Variants in CHADL observed in about 807,000 individuals in gnomAD.
CHADL encodes the protein chondroadherin like, also known as chondroadherin-like protein.
In CHADL, 48 loss-of-function variants were observed where a neutral mutation model predicts 52.1. The ratio of observed to expected loss-of-function variants is 0.92; its 90% confidence interval spans 0.73 to 1.17. The LOEUF (loss-of-function observed/expected upper bound fraction) is 1.17. CHADL is among the 50% of genes most tolerant of loss of function. The pLI, the probability that CHADL is intolerant of heterozygous loss-of-function variation, is 0.00. For synonymous variants in CHADL, 498 were observed against 511.2 expected (o/e 0.97, Z 0.35); for missense variants, 977 against 1,035.1 (o/e 0.94, Z 0.77).
rs1449705712 is a variant in CHADL at position 41,237,252 on chromosome 22, GC to G, written c.1819del (p.Ala607ProfsTer19). 6.4e-7 allele frequency: 1 copy of G among 1,550,586 alleles called. No homozygotes were observed. The highest frequency in any genetic ancestry group is 8.7e-7 in the Non-Finnish European group (1 of 1,146,962). ...ELQLSGNPLR[A>X]LRDGAFQPVG... ...AGGCTGGAAGGCTCCGTCACGCAAG[GC>G]CCTGAGTGGGTTGCCCGAGAGCTGC... On this transcript the variant is annotated frameshift_variant, in exon 3 of 6. Coordinates refer to ENST00000216241, the MANE Select transcript of CHADL (RefSeq NM_138481.2). LOFTEE classifies it high-confidence loss of function.
At chr22:41,232,449 T>C (rs2032637804) in intron 5 of CHADL, among the ~76,000 whole-genome samples, 1 of 151,938 alleles carries the variant, frequency 6.6e-6, no homozygotes, top group Non-Finnish European at 1.5e-5. Flanking sequence ...ATCTTCTGGG[T>C]GCCAGACACC....
chr22:41,235,169 T>C lies in CHADL; in HGVS notation c.2238A>G (p.Lys746=). Residue 746 remains lysine, a synonymous_variant, in exon 5 of 6, where the codon AAA becomes AAG. Transcript: ENST00000216241. Reference sequence around the variant, plus strand: ...CCTTATCTGCTCCACACTGTCTTCCTTTGATGGGGGTTCTCCTGGCACTGG... The same window carrying C: ...CCTTATCTGCTCCACACTGTCTTCCCTTGATGGGGGTTCTCCTGGCACTGG... ...SRPSARRTPI[K]GRQCGADKVG... is the part of the protein sequence containing the mutation. The C allele has an allele frequency of 6.4e-7, 1 of 1,551,446 alleles. No homozygotes were observed. The highest frequency in any genetic ancestry group is 8.7e-7 in the Non-Finnish European group (1 of 1,147,000).
In CHADL at chr22:41,237,692, G is replaced by A; in HGVS notation, c.1380C>T (p.Gly460=). ...GGGCGCCCGCTTCCAGCTCCGCGAT[G>A]CCGCAGTGCTGCAGGTGCAGCGACA... ...HLVSLHLQHC[G]IAELEAGALA... The change falls in exon 3 of 6, where the codon GGC becomes GGT. Residue 460 remains glycine, a synonymous_variant. Coordinates refer to ENST00000216241, the MANE Select transcript of CHADL (RefSeq NM_138481.2). 2 of 1,542,644 alleles carry A rather than the reference G, an allele frequency of 1.3e-6. No individual in the cohort carries two copies. The highest frequency in any genetic ancestry group is 1.8e-6 in the Non-Finnish European group (2 of 1,142,480).
chr22:41,240,869 C>T lies in CHADL; in HGVS notation c.8+5G>A, dbSNP rs138323553. 4 of 1,550,840 alleles carry T rather than the reference C, an allele frequency of 2.6e-6. No individual in the cohort carries two copies. Among genetic ancestry groups the T allele is most frequent in the African/African-American group, 1.4e-5 (1 of 73,180 alleles). The stretch of plus-strand genomic sequence containing the variant: ...CCCCTTGCACCATCGGGCCCAAAGA[C>T]TCACCCCTCCATGCCGCCTGGAACT... On this transcript the variant is annotated splice_donor_5th_base_variant and intron_variant, in intron 1 of 5. Coordinates refer to ENST00000216241, the MANE Select transcript of CHADL (RefSeq NM_138481.2).
chr22:41,238,561 C>G lies in CHADL; in HGVS notation c.511G>C (p.Val171Leu). ...TGGAAGGCCATGGCGGGCAGGTAAA[C>G]CAGGGCGTTGTGGGCCAGGTTTAGC... Reference protein sequence around the residue: ...ATLNLAHNALVYLPAMAFQGL... With the variant: ...ATLNLAHNALLYLPAMAFQGL... The change falls in exon 3 of 6, where the codon GTT becomes CTT. Residue 171 changes from valine (V) to leucine (L), a missense_variant. Coordinates refer to ENST00000216241, the MANE Select transcript of CHADL (RefSeq NM_138481.2). This position sits in a 1 kb window ranked among gnomAD's most constrained non-coding sequence, Gnocchi z 4.9. 1 of 1,546,454 alleles carries G rather than the reference C, an allele frequency of 6.5e-7. No homozygotes were observed.
intron 1 of CHADL, 114 bp downstream of exon 1, chr22:41,240,760 G>T: frequency 1.6e-6 from 2 of 1,289,392 alleles, no homozygotes; most frequent in Non-Finnish European, 2.2e-6. Context: ...ACCCCAGGAA[G>T]TCCCCAGAGC....
In CHADL at chr22:41,240,868, ACT is replaced by A. The variant is rs2032850683; in HGVS notation, c.8+4_8+5del. The A allele has an allele frequency of 1.3e-6, 2 of 1,550,136 alleles. No homozygotes were observed. The highest frequency in any genetic ancestry group is 1.7e-6 in the Non-Finnish European group (2 of 1,146,648). On this transcript the variant is annotated splice_donor_5th_base_variant and intron_variant, in intron 1 of 5. Coordinates refer to ENST00000216241, the MANE Select transcript of CHADL (RefSeq NM_138481.2). ...CCCCCTTGCACCATCGGGCCCAAAG[ACT>A]CACCCCTCCATGCCGCCTGGAACTG...
At chr22:41,230,957 C>T (rs757432484) in intron 5 of CHADL, 1 of 152,190 alleles carries the variant, frequency 6.6e-6, no homozygotes, top group Non-Finnish European at 1.5e-5. Flanking sequence ...CCGGGGAGGA[C>T]ATTGGGAGGA....
Position 41,235,538 on chromosome 22 carries a change from G to A in CHADL, c.2064-195C>T, listed in dbSNP as rs543026908. On this transcript the variant is annotated intron_variant, in intron 4 of 5. Coordinates refer to ENST00000216241, the MANE Select transcript of CHADL (RefSeq NM_138481.2). Reference sequence around the variant, plus strand: ...AGGAGGCCACCAGGAATTTGGGAGCGGTGGAGCCTATAGGTGACAGCAGGC... The same window carrying A: ...AGGAGGCCACCAGGAATTTGGGAGCAGTGGAGCCTATAGGTGACAGCAGGC... 1.3e-4 allele frequency among the ~76,000 whole-genome samples: 20 copies of A among 152,188 alleles called. No homozygotes were observed. The South Asian group carries it at 1.5e-3, about 11-fold the overall frequency.
rs2145637458 is a variant in CHADL, at chr22:41,238,100, C to G, written c.972G>C (p.Trp324Cys). ...CCGAGCGCACGCGCGCCCGCGCCAG[C>G]CACTCGAGTAGGGGCCGCGCCTGGC... ...CGCQARPLLE[W>C]LARARVRSDG... is the part of the protein sequence containing the mutation. The change falls in exon 3 of 6, where the codon TGG becomes TGC. Residue 324 changes from tryptophan to cysteine, a missense_variant. Trp to Cys is a radical substitution (Grantham distance 215). Coordinates refer to ENST00000216241, the MANE Select transcript of CHADL (RefSeq NM_138481.2). The surrounding 1 kb of genome is among the most constrained non-coding windows in gnomAD (Gnocchi z 4.9). 2.3e-6 allele frequency: 3 copies of G among 1,298,016 alleles called. No individual in the cohort carries two copies. Among genetic ancestry groups the G allele is most frequent in the Non-Finnish European group, 2.9e-6 (3 of 1,032,424 alleles). The allele number at this position is 1,298,016 out of a possible 1,614,324, so 80.4% of individuals were successfully genotyped here. A position where few individuals can be genotyped will look rare whatever the true frequency, so the allele number is the denominator to read the frequency against.
rs1462597420 is a variant in CHADL, at chr22:41,229,743, G to A, written c.2263-13C>T. The A allele has an allele frequency of 6.2e-7, 1 of 1,607,658 alleles. No homozygotes were observed. Among genetic ancestry groups the A allele is most frequent in the South Asian group, 1.1e-5 (1 of 90,406 alleles). On this transcript the variant is annotated splice_polypyrimidine_tract_variant and intron_variant, in intron 5 of 5. Transcript: ENST00000216241. The stretch of plus-strand genomic sequence containing the variant: ...TCTCCTTCCCCACCTGGGCACAGAA[G>A]AGTAGAGTCAGGTTTCTTTGGCATT...
intron 4 of CHADL, 130 bp from the exon 5 acceptor site, chr22:41,235,473 T>C: frequency 2.9e-6 from 2 of 700,388 alleles, no homozygotes; most frequent in Non-Finnish European, 4.8e-6. Flanking sequence ...CATGCATTCA[T>C]TCGCTCAACA....
At position 41,240,755 on chromosome 22, in the gene CHADL, AG is replaced by A. The variant is rs1463379035; in HGVS notation, c.8+118del. The A allele has an allele frequency of 1.6e-5, 20 of 1,233,976 alleles. 1 individual carries two copies. Among genetic ancestry groups the A allele is most frequent in the South Asian group, 1.3e-4 (10 of 74,940 alleles). The allele number at this position is 1,233,976 out of a possible 1,614,324, so 76.4% of individuals were successfully genotyped here. ...GGAGACCCCCTTCCTGGAGAACCCCAGGAAGTCCCCAGAGCCCCTGCCCGCC... is the reference window on the plus strand; with the variant it reads ...GGAGACCCCCTTCCTGGAGAACCCCAGAAGTCCCCAGAGCCCCTGCCCGCC... On this transcript the variant is annotated intron_variant, in intron 1 of 5. Transcript: ENST00000216241.
At chr22:41,233,426 C>T (rs1223126219) in intron 5 of CHADL, among the ~76,000 whole-genome samples, 2 of 152,010 alleles carry the variant, frequency 1.3e-5, no homozygotes, top group Non-Finnish European at 2.9e-5. Flanking sequence ...TGTGCCATTG[C>T]ACTCCAGCCT....
At chr22:41,240,245 G>A (rs756716131) in intron 1 of CHADL, among the ~76,000 whole-genome samples, 7 of 152,100 alleles carry the variant, frequency 4.6e-5, no homozygotes, top group African/African-American at 4.8e-5. Context: ...ACACCACCAC[G>A]CCTGGCTAAT....
At chr22:41,236,680 G>T (rs913874732) in intron 3 of CHADL, 30 bp from the exon 4 acceptor site, 1 of 1,533,828 alleles carries the variant, frequency 6.5e-7, no homozygotes, top group South Asian at 1.2e-5. Flanking sequence ...CCCAATGTGA[G>T]CTCCTGGCAG....
At position 41,238,636 on chromosome 22, in the gene CHADL, G is replaced by T; in HGVS notation, c.436C>A (p.Leu146Met). The change falls in exon 3 of 6, where the codon CTG becomes ATG. Residue 146 changes from leucine (L) to methionine (M), a missense_variant. Physicochemically the swap from Leu to Met is conservative, Grantham distance 15. Coordinates refer to ENST00000216241, the MANE Select transcript of CHADL (RefSeq NM_138481.2). This position sits in a 1 kb window ranked among gnomAD's most constrained non-coding sequence, Gnocchi z 4.9. ...LRRLELEGNALEELRPGTFGA... is the reference protein window; with the variant it reads ...LRRLELEGNAMEELRPGTFGA... ...AACGTCCCCGGCCGCAGCTCCTCCAGTGCGTTCCCCTCCAGCTCCAGCCGC... is the reference window on the plus strand; with the variant it reads ...AACGTCCCCGGCCGCAGCTCCTCCATTGCGTTCCCCTCCAGCTCCAGCCGC... 1 of 1,544,184 alleles carries T rather than the reference G, an allele frequency of 6.5e-7. No individual in the cohort carries two copies. Among genetic ancestry groups the T allele is most frequent in the Non-Finnish European group, 8.7e-7 (1 of 1,146,284 alleles).
chr22:41,238,964 C>G lies in CHADL; in HGVS notation c.187-79G>C, dbSNP rs1175334999. The G allele has an allele frequency of 7.6e-6, 11 of 1,438,086 alleles. No homozygotes were observed. The highest frequency in any genetic ancestry group is 2.8e-5 in the African/African-American group (2 of 70,202). 89.1% of individuals were successfully genotyped at this position (1,438,086 alleles called of 1,614,324 possible). A position where few individuals can be genotyped will look rare whatever the true frequency, so the allele number is the denominator to read the frequency against. ...CAAGTGCTGCTTCTTCCCCGGAACA[C>G]TCTTTTCTCCTGTCACCTTTCCCAT... On this transcript the variant is annotated intron_variant, in intron 2 of 5. Coordinates refer to ENST00000216241, the MANE Select transcript of CHADL (RefSeq NM_138481.2). This position sits in a 1 kb window ranked among gnomAD's most constrained non-coding sequence, Gnocchi z 4.9.
At chr22:41,230,571 A>C (rs1197820762) in intron 5 of CHADL, 3 of 342,860 alleles carry the variant, frequency 8.7e-6, no homozygotes, top group East Asian at 6.8e-5. Context: ...CCTCCCCCCG[A>C]CCCGCCACGG....
Sources: allele counts gnomAD v4.1 joint callset (sites outside exome capture counted in the v4.1 genomes callset), GRCh38; gene constraint gnomAD v4.1.1; non-coding constraint Gnocchi (gnomAD v3.1); transcripts MANE v1.5; gene names NCBI Gene and HGNC (gene_info 2026-07-23, HGNC 2026-07-21).